The following LENG8 variants were observed in gnomAD, a reference collection of about 807,000 sequenced individuals.
LENG8 encodes leukocyte receptor cluster (LRC) member 8.
LENG8 carries 28 observed loss-of-function variants against 102.1 expected under a neutral mutation model. The observed-to-expected ratio is 0.27, with a 90% CI of 0.20 to 0.38. LENG8 has a LOEUF of 0.38. LENG8 is among the 10% of genes least tolerant of loss of function. LENG8 has a pLI of 1.00. For synonymous variants in LENG8, 531 were observed against 456.7 expected (o/e 1.16, Z -2.07); for missense variants, 1,022 against 1,113.9 (o/e 0.92, Z 1.17).
intron 15 of LENG8, 177 bp from the exon 16 acceptor site, chr19:54,460,589 C>CT: frequency 5.0e-6 from 7 of 1,413,944 alleles, no homozygotes; most frequent in East Asian, 5.1e-5. Flanking sequence ...TCACTAACCC[C>CT]CCCCGGGCCC....
chr19:54,452,386 C>T, intron 3 of LENG8, 119 bp downstream of exon 3: 6 of 914,138 alleles, frequency 6.6e-6, no homozygotes, highest in Non-Finnish European at 9.8e-6. Context: ...AAAAGACGTT[C>T]CAGGGTATCT....
At chr19:54,458,795 CTCT>C in intron 15 of LENG8, 1 of 1,551,182 alleles carries the variant, frequency 6.4e-7, no homozygotes, top group Non-Finnish European at 8.7e-7. Flanking sequence ...ATCTGTGTGT[CTCT>C]TCCTCCTGTT....
At chr19:54,457,502 G>A (rs1321560723) in intron 11 of LENG8, among the ~76,000 whole-genome samples, 1 of 152,104 alleles carries the variant, frequency 6.6e-6, no homozygotes, top group Non-Finnish European at 1.5e-5. Context: ...CACTACGCCT[G>A]GCTGATTTTT....
At position 54,458,764 on chromosome 19, in the gene LENG8, C is replaced by T. The variant is rs1175031588; in HGVS notation, c.2240+243C>T. 5 of 1,551,314 alleles carry T rather than the reference C, an allele frequency of 3.2e-6. No individual in the cohort carries two copies. The Admixed American group carries it at 5.9e-5, about 18-fold the overall frequency. ...CCCCACTGTTCCCAGCTCACTGCCT[C>T]TGGGGCCTCTTCTCCACCCCATCTG... On this transcript the variant is annotated intron_variant, in intron 15 of 15. Transcript: ENST00000326764.
rs969638092 is a variant in LENG8 at position 54,451,202 on chromosome 19, C to G, written c.-55-88C>G. On this transcript the variant is annotated intron_variant, in intron 1 of 15. Coordinates refer to ENST00000326764, the MANE Select transcript of LENG8 (RefSeq NM_052925.4). ...CAGCCTCCCCTTTTCTGCCCGGCTT[C>G]TCTTGAGTCCATCTACTTTTCTTCC... 5.9e-6 allele frequency: 5 copies of G among 850,922 alleles called. No homozygotes were observed. The Admixed American group carries it at 9.5e-5, about 16-fold the overall frequency. 52.7% of individuals were successfully genotyped at this position (850,922 alleles called of 1,614,324 possible).
Position 54,454,493 on chromosome 19 carries a change from GCTCAGCCCC to G in LENG8, c.499_507del (p.Pro167_Pro169del), listed in dbSNP as rs746723742. ...GGCTCCCCCTCAGCAGCTGCCGTCG[GCTCAGCCCC>G]CTCAGCCCTCAAATCCCCCACATGG... On this transcript the variant is annotated inframe_deletion, in exon 6 of 16. Transcript: ENST00000326764. 16 of 1,613,852 alleles carry G rather than the reference GCTCAGCCCC, an allele frequency of 9.9e-6. No individual in the cohort carries two copies. In the South Asian group the frequency reaches 1.8e-4, roughly 18 times the overall value.
intron 1 of LENG8, 68 bp downstream of exon 1, chr19:54,449,378 C>A (rs1040066992): frequency 1.3e-5 from 2 of 152,166 alleles, no homozygotes; most frequent in Non-Finnish European, 2.9e-5. Flanking sequence ...GCCCCGCGAG[C>A]CCCGAGGCCT....
Position 54,458,439 on chromosome 19 carries a change from C to T in LENG8, c.2158C>T (p.His720Tyr), listed in dbSNP as rs778791903. ...CCACCGCTTTTTCCGGCTCTACTGC[C>T]ATGCACCCTGCATGTCTGGCTACCT... ...NYHRFFRLYC[H>Y]APCMSGYLVD... is the part of the protein sequence containing the mutation. The change falls in exon 15 of 16, where the codon CAT (histidine) becomes TAT (tyrosine). Residue 720 changes from histidine to tyrosine, a missense_variant. By Grantham distance (83) the His-to-Tyr change is moderately conservative. Coordinates refer to ENST00000326764, the MANE Select transcript of LENG8 (RefSeq NM_052925.4). 16 of 1,614,180 alleles carry T rather than the reference C, an allele frequency of 9.9e-6. No homozygotes were observed. Among genetic ancestry groups the T allele is most frequent in the African/African-American group, 5.3e-5 (4 of 74,968 alleles).
chr19:54,452,595 G>A (rs768103373), intron 3 of LENG8, 56 bp from the exon 4 acceptor site: 15 of 1,405,180 alleles, frequency 1.1e-5, no homozygotes, highest in East Asian at 4.6e-5. Flanking sequence ...GCCCTTTGGG[G>A]GCCGTGTGCC....
In LENG8 at chr19:54,461,772, T is replaced by C. The variant is rs1444259012; in HGVS notation, c.*844T>C. The C allele has an allele frequency of 1.5e-5, 9 of 586,562 alleles. No homozygotes were observed. The highest frequency in any genetic ancestry group is 9.2e-5 in the South Asian group (6 of 65,510). 36.3% of individuals were successfully genotyped at this position (586,562 alleles called of 1,614,324 possible). ...TTTGTGTGTGTGTTTATTTAAGTTA[T>C]TTTTCTTCCTCCTCTCCCTTTTCTT... On this transcript the variant is annotated 3_prime_UTR_variant, in exon 16 of 16. Transcript: ENST00000326764.
chr19:54,454,228 G>A (rs986783904), intron 5 of LENG8, among the ~76,000 whole-genome samples: 4 of 152,176 alleles, frequency 2.6e-5, no homozygotes, highest in Admixed American at 2.6e-4. Context: ...CTGAGCTGGA[G>A]CCTTGTCAGC....
chr19:54,452,590 T>C (rs547288595), intron 3 of LENG8, 61 bp from the exon 4 acceptor site: 12 of 1,367,078 alleles, frequency 8.8e-6, no homozygotes, highest in Admixed American at 6.8e-5. Context: ...GGCTTGCCCT[T>C]TGGGGGCCGT....
intron 4 of LENG8, 47 bp from the exon 5 acceptor site, chr19:54,453,499 G>C: frequency 7.5e-7 from 1 of 1,334,584 alleles, no homozygotes; most frequent in Non-Finnish European, 1.1e-6. Context: ...TGGGGAAGCG[G>C]AAAGGGTAGG....
Position 54,458,316 on chromosome 19 carries a change from A to G in LENG8, c.2035A>G (p.Ile679Val), listed in dbSNP as rs1830709981. Residue 679 changes from isoleucine (I) to valine (V), a missense_variant and splice_region_variant, in exon 15 of 16, where the codon ATC (isoleucine) becomes GTC (valine). Physicochemically the swap from Ile to Val is conservative, Grantham distance 29. Transcript: ENST00000326764. ...CACCCTCTTTGTCTTGGTGCTAGAC[A>G]TCACCACGGAGCTGGCATACCTCAC... ...YYIFTKNSGD[I>V]TTELAYLTRE... 1 of 1,613,672 alleles carries G rather than the reference A, an allele frequency of 6.2e-7. No homozygotes were observed. Among genetic ancestry groups the G allele is most frequent in the Non-Finnish European group, 8.5e-7 (1 of 1,179,804 alleles).
intron 7 of LENG8, 22 bp downstream of exon 7, chr19:54,455,114 C>T (rs763149823): frequency 5.0e-6 from 8 of 1,613,822 alleles, no homozygotes; most frequent in African/African-American, 4.0e-5. Flanking sequence ...CCCCTTGCCC[C>T]GTCGCAGCCC....
Position 54,451,434 on chromosome 19 carries a change from G to C in LENG8, c.38+52G>C, listed in dbSNP as rs551902443. On this transcript the variant is annotated intron_variant, in intron 2 of 15. Transcript: ENST00000326764. ...CAGTCGGGAGGGAAAGAGGAAGCAA[G>C]ACCCAGTGCTGTCCTCTGGGGTGGG... The C allele has an allele frequency of 1.7e-5, 27 of 1,583,276 alleles. No homozygotes were observed. In the South Asian group the frequency reaches 2.4e-4, roughly 14 times the overall value.
rs767996817 is a variant in LENG8 at position 54,461,275 on chromosome 19, G to A, written c.*347G>A. On this transcript the variant is annotated 3_prime_UTR_variant, in exon 16 of 16. Coordinates refer to ENST00000326764, the MANE Select transcript of LENG8 (RefSeq NM_052925.4). Reference sequence around the variant, plus strand: ...CTTGCACTCCGGTACCCGACCCGGCGCCCTGGCCCATCCCATGCCGGGGGG... The same window carrying A: ...CTTGCACTCCGGTACCCGACCCGGCACCCTGGCCCATCCCATGCCGGGGGG... The A allele has an allele frequency of 1.0e-5, 5 of 487,410 alleles. No individual in the cohort carries two copies. Among genetic ancestry groups the A allele is most frequent in the South Asian group, 4.8e-5 (3 of 62,412 alleles). 30.2% of individuals were successfully genotyped at this position (487,410 alleles called of 1,614,324 possible).
chr19:54,451,036 A>T (rs1254584661), intron 1 of LENG8, among the ~76,000 whole-genome samples: 1 of 152,078 alleles, frequency 6.6e-6, no homozygotes, highest in African/African-American at 2.4e-5. Context: ...CCCTTTGGGA[A>T]GTCTGCTCTG....
rs1177122421 is a variant in LENG8, at chr19:54,461,211, C to G, written c.*283C>G. 1 of 652,624 alleles carries G rather than the reference C, an allele frequency of 1.5e-6. No individual in the cohort carries two copies. Among genetic ancestry groups the G allele is most frequent in the Admixed American group, 2.1e-5 (1 of 48,042 alleles). The allele number at this position is 652,624 out of a possible 1,614,324, so 40.4% of individuals were successfully genotyped here. ...TCATCTGTGTCCGCCTTTCACTCCA[C>G]TAATGCTGTCTCAGTGTTTTCTCTC... On this transcript the variant is annotated 3_prime_UTR_variant, in exon 16 of 16. Transcript: ENST00000326764.
Sources: gnomAD v4.1 joint callset for allele counts (sites outside exome capture counted in the v4.1 genomes callset) on GRCh38, gnomAD v4.1.1 for gene constraint, MANE v1.5 for transcripts, NCBI Gene and HGNC (gene_info 2026-07-23, HGNC 2026-07-21) for gene names.